ANO1: variants seen among roughly 807,000 people sequenced by gnomAD.
ANO1 encodes anoctamin-1.
Under a neutral mutation model 124.0 loss-of-function variants are expected in ANO1, and 59 were observed. The observed-to-expected ratio is 0.48, with a 90% CI of 0.39 to 0.59. ANO1 has a LOEUF of 0.59. Ranked by LOEUF, ANO1 falls within the 20% of genes least tolerant of loss-of-function variation. The pLI, the probability that ANO1 is intolerant of heterozygous loss-of-function variation, is 0.00. For missense variants in ANO1, 1,059 were observed against 1,328.0 expected, an observed-to-expected ratio of 0.80 and a Z score of 3.15; for synonymous variants, 529 against 532.0, an observed-to-expected ratio of 0.99 and a Z score of 0.08.
chr11:69,985,324 C>CGGG (rs1554996743), upstream of ANO1, among the ~76,000 whole-genome samples: 1 of 134,444 alleles, frequency 7.4e-6, no homozygotes, highest in Non-Finnish European at 1.5e-5. Flanking sequence ...CTGTGGCTTG[C>CGGG]GGGAGGGAAC....
intron 1 of ANO1, among the ~76,000 whole-genome samples, chr11:70,002,488 A>C (rs374298721): frequency 1.7e-4 from 25 of 150,614 alleles, no homozygotes; most frequent in African/African-American, 5.8e-4. Context: ...CACCAAAAAA[A>C]CACTTACGAT....
chr11:70,166,278 A>G (rs1409396745), intron 20 of ANO1, among the ~76,000 whole-genome samples: 1 of 152,216 alleles, frequency 6.6e-6, no homozygotes, highest in Non-Finnish European at 1.5e-5. Context: ...AGATCGCACC[A>G]CTGCACTCCA....
intron 16 of ANO1, among the ~76,000 whole-genome samples, chr11:70,159,865 C>T (rs2047979022): frequency 6.6e-6 from 1 of 152,236 alleles, no homozygotes; most frequent in Non-Finnish European, 1.5e-5. Flanking sequence ...GGGAGTGGTC[C>T]CCACGCCTCG....
At chr11:70,131,871 C>G in intron 10 of ANO1, 48 bp from the exon 11 acceptor site, 1 of 1,569,092 alleles carries the variant, frequency 6.4e-7, no homozygotes, top group Non-Finnish European at 8.6e-7. Flanking sequence ...AGGAGGTGCT[C>G]CATCATGGCC....
chr11:70,035,539 C>T (rs200433280), intron 1 of ANO1, among the ~76,000 whole-genome samples: 1,561 of 123,518 alleles, frequency 0.013, 49 homozygotes, highest in East Asian at 0.098. Flanking sequence ...TATATATATA[C>T]TTTAAGTTCT....
chr11:69,997,496 T>C (rs912083670), intron 1 of ANO1, among the ~76,000 whole-genome samples: 2 of 152,090 alleles, frequency 1.3e-5, no homozygotes, highest in Admixed American at 1.3e-4. Flanking sequence ...GACATGAAAA[T>C]CAACCCATGG....
At chr11:70,050,678 G>T (rs1857338603) in intron 1 of ANO1, among the ~76,000 whole-genome samples, 1 of 152,134 alleles carries the variant, frequency 6.6e-6, no homozygotes. Context: ...CCTCACAAAT[G>T]TTTAGTGCTT....
At chr11:70,171,073 C>A (rs760682388) in intron 22 of ANO1, 34 bp downstream of exon 22, 1 of 1,600,536 alleles carries the variant, frequency 6.2e-7, no homozygotes, top group South Asian at 1.1e-5. Context: ...GAACCGGTTC[C>A]GAGTGCGTGC....
At chr11:70,153,519 T>C (rs1434201512) in intron 14 of ANO1, among the ~76,000 whole-genome samples, 1 of 152,200 alleles carries the variant, frequency 6.6e-6, no homozygotes, top group East Asian at 1.9e-4. Flanking sequence ...ACCCCTCCTG[T>C]TCTATGCCGA....
intron 19 of ANO1, chr11:70,163,698 A>C (rs1482760499): frequency 3.9e-6 from 2 of 506,452 alleles, no homozygotes; most frequent in Non-Finnish European, 6.9e-6. Flanking sequence ...GCACTTTGGG[A>C]GGCCGAGACT....
At chr11:70,166,872 G>A (rs570508110) in intron 20 of ANO1, among the ~76,000 whole-genome samples, 13 of 152,328 alleles carry the variant, frequency 8.5e-5, no homozygotes, top group Admixed American at 7.2e-4. Context: ...GAGGCCAGGC[G>A]CGGTGGCTCA....
intron 21 of ANO1, chr11:70,169,834 C>T (rs1028151794): frequency 6.2e-5 from 14 of 226,722 alleles, no homozygotes; most frequent in South Asian, 1.7e-4. Flanking sequence ...ACACTCAGCC[C>T]GCCAGGCACA....
chr11:70,062,222 G>A (rs1591066536), intron 1 of ANO1, among the ~76,000 whole-genome samples: 1 of 151,704 alleles, frequency 6.6e-6, no homozygotes, highest in African/African-American at 2.4e-5. Context: ...AATTACAGAC[G>A]CGTACCACCA....
At chr11:70,120,896 C>T (rs572130012) in intron 8 of ANO1, among the ~76,000 whole-genome samples, 5 of 152,252 alleles carry the variant, frequency 3.3e-5, no homozygotes, top group South Asian at 2.1e-4. Context: ...CCACAGCCCC[C>T]ATGGCTGGAC....
intron 1 of ANO1, among the ~76,000 whole-genome samples, chr11:70,084,270 C>T (rs931922565): frequency 6.6e-6 from 1 of 152,156 alleles, no homozygotes; most frequent in Non-Finnish European, 1.5e-5. Flanking sequence ...GCTCTTTTGC[C>T]CCCTCAGCCA....
At chr11:70,135,884 G>C (rs933039735) in intron 11 of ANO1, among the ~76,000 whole-genome samples, 1 of 152,226 alleles carries the variant, frequency 6.6e-6, no homozygotes, top group Non-Finnish European at 1.5e-5. Flanking sequence ...AAAGCGCTAC[G>C]TGGCATTCTG....
upstream of ANO1, among the ~76,000 whole-genome samples, chr11:70,077,718 C>G (rs1029239227): frequency 9.9e-5 from 15 of 152,168 alleles, no homozygotes; most frequent in African/African-American, 3.6e-4. Flanking sequence ...AATGAGGACC[C>G]GCATTCCAAC....
chr11:70,114,992 G>C (rs758959576), intron 7 of ANO1, among the ~76,000 whole-genome samples: 3 of 152,180 alleles, frequency 2.0e-5, no homozygotes, highest in Non-Finnish European at 4.4e-5. Context: ...GACTAACGAG[G>C]TCACCAGCAT....
At chr11:70,040,137 G>T (rs1405278807) in intron 1 of ANO1, among the ~76,000 whole-genome samples, 3 of 152,124 alleles carry the variant, frequency 2.0e-5, no homozygotes, top group Non-Finnish European at 4.4e-5. Context: ...TAATCTGGCA[G>T]CGGATACCAA....
Sources: allele counts gnomAD v4.1 joint callset (sites outside exome capture counted in the v4.1 genomes callset), GRCh38; gene constraint gnomAD v4.1.1; transcripts MANE v1.5; gene names NCBI Gene and HGNC (gene_info 2026-07-23, HGNC 2026-07-21).